The following LATS2 variants were observed in gnomAD, a reference collection of about 807,000 sequenced individuals.
The protein encoded by LATS2 is large tumor suppressor kinase 2, also known as serine/threonine-protein kinase LATS2.
Under a neutral mutation model 76.0 loss-of-function variants are expected in LATS2, and 24 were observed. The ratio of observed to expected loss-of-function variants is 0.32; its 90% confidence interval spans 0.23 to 0.44. The LOEUF (loss-of-function observed/expected upper bound fraction) is 0.44. Ranked by LOEUF, LATS2 falls within the 20% of genes least tolerant of loss-of-function variation. LATS2 has a pLI of 1.00. For synonymous variants in LATS2, 692 were observed against 635.4 expected, an observed-to-expected ratio of 1.09 and a Z score of -1.34; for missense variants, 1,286 against 1,481.2, an observed-to-expected ratio of 0.87 and a Z score of 2.16.
intron 2 of LATS2, among the ~76,000 whole-genome samples, chr13:21,017,201 CA>C (rs1871835874): frequency 6.6e-6 from 1 of 152,186 alleles, no homozygotes; most frequent in Admixed American, 6.5e-5. Flanking sequence ...ATTAATCATC[CA>C]ACTGTGCAGA....
At chr13:20,996,371 TAGA>T (rs1350458010) in intron 2 of LATS2, among the ~76,000 whole-genome samples, 2 of 139,640 alleles carry the variant, frequency 1.4e-5, no homozygotes, top group Non-Finnish European at 3.0e-5. Context: ...ATTAGAGTGG[TAGA>T]AGATTTTTTT....
At chr13:21,056,767 A>T (rs1873461752) in intron 1 of LATS2, among the ~76,000 whole-genome samples, 1 of 152,204 alleles carries the variant, frequency 6.6e-6, no homozygotes, top group Admixed American at 6.5e-5. Context: ...ACTTCCATGG[A>T]GGAGCACAAT....
intron 1 of LATS2, among the ~76,000 whole-genome samples, chr13:21,051,190 G>C (rs1181878196): frequency 6.6e-6 from 1 of 152,180 alleles, no homozygotes; most frequent in Non-Finnish European, 1.5e-5. Flanking sequence ...CATGTGATGT[G>C]AGACAAGCCC....
chr13:21,035,197 G>A (rs942021021), intron 2 of LATS2, among the ~76,000 whole-genome samples: 7 of 151,822 alleles, frequency 4.6e-5, no homozygotes, highest in African/African-American at 1.7e-4. Flanking sequence ...ATGAATTTCT[G>A]GCAAGTAAAT....
chr13:20,974,059 AAG>A lies in LATS2; in HGVS notation c.*809_*810del, dbSNP rs1434190927. Reference sequence around the variant, plus strand: ...ATCTGCATTTCTTTAACAAAACAGTAAGAGATACAATCATAGCGAAGAGGTCA... The same window carrying A: ...ATCTGCATTTCTTTAACAAAACAGTAAGATACAATCATAGCGAAGAGGTCA... On this transcript the variant is annotated 3_prime_UTR_variant, in exon 8 of 8. Transcript: ENST00000382592. 1 of 221,142 alleles carries A rather than the reference AAG, an allele frequency of 4.5e-6. No homozygotes were observed. Among genetic ancestry groups the A allele is most frequent in the Admixed American group, 5.8e-5 (1 of 17,138 alleles). 13.7% of individuals were successfully genotyped at this position (221,142 alleles called of 1,614,324 possible). A position where few individuals can be genotyped will look rare whatever the true frequency, so the allele number is the denominator to read the frequency against.
intron 6 of LATS2, 32 bp downstream of exon 6, chr13:20,981,431 ACCT>A: frequency 6.3e-7 from 1 of 1,585,692 alleles, no homozygotes; most frequent in Non-Finnish European, 8.6e-7. Context: ...AGGGAAGGAG[ACCT>A]CCTGCGGGGT....
rs566881116 is a variant in LATS2, at chr13:21,022,343, GAGTC to G, written c.342+23338_342+23341del. Reference sequence around the variant, plus strand: ...CTGTATATGCCTAAGTGCATGTACTGAGTCAGGACTGAGAACCATTGCTCAAGGC... The same window carrying G: ...CTGTATATGCCTAAGTGCATGTACTGAGGACTGAGAACCATTGCTCAAGGC... On this transcript the variant is annotated intron_variant, in intron 2 of 7. Transcript: ENST00000382592. 1.6e-3 allele frequency among the ~76,000 whole-genome samples: 249 copies of G among 152,272 alleles called. 1 individual carries two copies. The highest frequency in any genetic ancestry group is 2.0e-3 in the Admixed American group (31 of 15,290).
At chr13:21,024,089 T>C (rs551964950) in intron 2 of LATS2, among the ~76,000 whole-genome samples, 235 of 102,266 alleles carry the variant, frequency 2.3e-3, no homozygotes, top group African/African-American at 0.011. Context: ...AGTGTCTCGC[T>C]GTGCAAAAAA....
rs1870485210 is a variant in LATS2 at position 20,991,026 on chromosome 13, A to AT, written c.475+245dup. Among the ~76,000 whole-genome samples the AT allele has an allele frequency of 6.6e-6, 1 of 152,236 alleles. No homozygotes were observed. The highest frequency in any genetic ancestry group is 2.4e-5 in the African/African-American group (1 of 41,468). The stretch of plus-strand genomic sequence containing the variant: ...CCCCTAGGTAGGAAGTACTAAGGTA[A>AT]TTTCAGACAAGGCTGGATGGGGCAA... On this transcript the variant is annotated intron_variant, in intron 3 of 7. Coordinates refer to ENST00000382592, the MANE Select transcript of LATS2 (RefSeq NM_014572.3). The surrounding 1 kb of genome is among the most constrained non-coding windows in gnomAD (Gnocchi z 4.9).
At chr13:21,059,057 T>A (rs1376232362) in intron 1 of LATS2, among the ~76,000 whole-genome samples, 1 of 152,186 alleles carries the variant, frequency 6.6e-6, no homozygotes, top group Non-Finnish European at 1.5e-5. Context: ...GCCCCTCATC[T>A]TCTAAGTTAA....
At chr13:21,041,810 AT>A (rs1872890231) in intron 2 of LATS2, among the ~76,000 whole-genome samples, 1 of 152,094 alleles carries the variant, frequency 6.6e-6, no homozygotes, top group Non-Finnish European at 1.5e-5. Context: ...GAGTTACTGA[AT>A]TGGAACCTCA....
chr13:21,029,329 G>A (rs1369591093), intron 2 of LATS2, among the ~76,000 whole-genome samples: 2 of 152,226 alleles, frequency 1.3e-5, no homozygotes, highest in Admixed American at 1.3e-4. Flanking sequence ...TTGAGATGAT[G>A]AAATGGTTTT....
rs1412058314 is a variant in LATS2, at chr13:21,046,105, T to C, written c.-79A>G. ...ATTTAAAAAAAAAAACTGTCAATAG[T>C]ATCAGTTTGTTGTAAACATACTTTC... is the stretch of plus-strand genomic sequence containing the variant. On this transcript the variant is annotated 5_prime_UTR_variant, in exon 2 of 8. In the 5' UTR this introduces an upstream ATG that the reference lacks. Transcript: ENST00000382592. 12 of 955,014 alleles carry C rather than the reference T, an allele frequency of 1.3e-5. No individual in the cohort carries two copies. Among genetic ancestry groups the C allele is most frequent in the Middle Eastern group, 4.6e-4 (2 of 4,360 alleles). The allele number at this position is 955,014 out of a possible 1,614,324, so 59.2% of individuals were successfully genotyped here. A position where few individuals can be genotyped will look rare whatever the true frequency, so the allele number is the denominator to read the frequency against.
Position 20,991,243 on chromosome 13 carries a change from T to C in LATS2, c.475+29A>G. 9 of 1,613,712 alleles carry C rather than the reference T, an allele frequency of 5.6e-6. No homozygotes were observed. Among genetic ancestry groups the C allele is most frequent in the Non-Finnish European group, 7.6e-6 (9 of 1,179,766 alleles). ...TTGTCCTTAAGCCACAAACCATCTT[T>C]GCCCACTATGCTGCAGGCCTGGGCT... On this transcript the variant is annotated intron_variant, in intron 3 of 7. Transcript: ENST00000382592. The surrounding 1 kb of genome is among the most constrained non-coding windows in gnomAD (Gnocchi z 4.9).
chr13:20,999,516 T>A (rs1468237290), intron 2 of LATS2, among the ~76,000 whole-genome samples: 1 of 152,192 alleles, frequency 6.6e-6, no homozygotes, highest in Non-Finnish European at 1.5e-5. Context: ...TCACCCATGC[T>A]GGAGTACAGT....
chr13:21,045,960 G>A lies in LATS2; in HGVS notation c.67C>T (p.Arg23Cys). ...TTGGATGGCTGTTTTAACCCCTCAC[G>A]AATCTCTTGCAGTCGCTGCCGGCTA... ...GNSRQRLQEIREGLKQPSKSS... is the reference protein window; with the variant it reads ...GNSRQRLQEICEGLKQPSKSS... The change falls in exon 2 of 8, where the codon CGT becomes TGT. Residue 23 changes from arginine to cysteine, a missense_variant. Around this residue, in one of 5 missense-constraint regions of LATS2, gnomAD observed 101 missense variants for 141.4 expected, o/e 0.71. Coordinates refer to ENST00000382592, the MANE Select transcript of LATS2 (RefSeq NM_014572.3). The A allele has an allele frequency of 6.2e-7, 1 of 1,614,092 alleles. No individual in the cohort carries two copies. Among genetic ancestry groups the A allele is most frequent in the Non-Finnish European group, 8.5e-7 (1 of 1,180,016 alleles).
At chr13:21,002,336 T>C (rs1871086749) in intron 2 of LATS2, among the ~76,000 whole-genome samples, 2 of 151,998 alleles carry the variant, frequency 1.3e-5, no homozygotes, top group South Asian at 2.1e-4. Flanking sequence ...TGGACAAATA[T>C]GCCCATCTTT....
At chr13:21,050,899 C>G (rs980744756) in intron 1 of LATS2, among the ~76,000 whole-genome samples, 1 of 152,240 alleles carries the variant, frequency 6.6e-6, no homozygotes, top group Non-Finnish European at 1.5e-5. Flanking sequence ...GGGCAAGAGG[C>G]CCTGGCCCAC....
rs56364254 is a variant in LATS2 at position 20,981,470 on chromosome 13, G to A, written c.2661C>T (p.Arg887=). The change falls in exon 6 of 8, where the codon CGC becomes CGT. Residue 887 remains arginine (R), a synonymous_variant. Coordinates refer to ENST00000382592, the MANE Select transcript of LATS2 (RefSeq NM_014572.3). ...GGCTGGCCATGGCGCATGTACCTTT[G>A]CGGAGGAGCACCTCGGGTGCGATGT... The part of the protein sequence containing the change: ...PNYIAPEVLL[R]KGYTQLCDWW... The A allele has an allele frequency of 1.6e-3, 2,575 of 1,613,100 alleles. 52 individuals are homozygous for A. The African/African-American group carries it at 0.031, about 20-fold the overall frequency.
Sources: gnomAD v4.1 joint callset for allele counts (sites outside exome capture counted in the v4.1 genomes callset) on GRCh38, gnomAD v4.1.1 for gene constraint, gnomAD v4.1.1 regional missense constraint, Gnocchi (gnomAD v3.1) non-coding constraint, MANE v1.5 for transcripts, NCBI Gene and HGNC (gene_info 2026-07-23, HGNC 2026-07-21) for gene names.